The following PROB1 variants were observed in gnomAD, a reference collection of about 807,000 sequenced individuals.
The protein encoded by PROB1 is proline-rich basic protein 1.
For missense variants in PROB1, 1,453 were observed against 1,485.7 expected (o/e 0.98, Z 0.36); for synonymous variants, 660 against 699.3 (o/e 0.94, Z 0.89).
chr5:139,392,730 G>A lies in PROB1; in HGVS notation c.2352C>T (p.Ser784=). The part of the protein sequence containing the change: ...GRTSPLGGAR[S]SSQRSPVGPA... ...GCCCTACGGGGGAGCGCTGGGATGA[G>A]CTGCGGGCGCCGCCTAGAGGGCTGG... is the stretch of plus-strand genomic sequence containing the variant. The change falls in exon 1 of 1, where the codon AGC becomes AGT. Residue 784 remains serine (S), a synonymous_variant. Transcript: ENST00000434752. The surrounding 1 kb of genome is among the most constrained non-coding windows in gnomAD (Gnocchi z 5.8). 8.5e-6 allele frequency: 12 copies of A among 1,412,742 alleles called. No homozygotes were observed. In the South Asian group the frequency reaches 1.7e-4, roughly 20 times the overall value. 87.5% of individuals were successfully genotyped at this position (1,412,742 alleles called of 1,614,324 possible). A position where few individuals can be genotyped will look rare whatever the true frequency, so the allele number is the denominator to read the frequency against.
Position 139,393,679 on chromosome 5 carries a change from T to A in PROB1, c.1403A>T (p.Glu468Val). 2 of 1,550,388 alleles carry A rather than the reference T, an allele frequency of 1.3e-6. No individual in the cohort carries two copies. The highest frequency in any genetic ancestry group is 1.7e-6 in the Non-Finnish European group (2 of 1,146,776). The change falls in exon 1 of 1, where the codon GAA (glutamate) becomes GTA (valine). Residue 468 changes from glutamate (E) to valine (V), a missense_variant. Physicochemically the swap from Glu to Val is moderately radical, Grantham distance 121. Transcript: ENST00000434752. ...LSQWNQCVAG[E>V]RSPSLEAPSL... ...AGGGGCTTCGAGGGACGGGCTCCTT[T>A]CCCCAGCAACACACTGATTCCACTG... is the stretch of plus-strand genomic sequence containing the variant.
Position 139,392,417 on chromosome 5 carries a change from C to A in PROB1, c.2665G>T (p.Gly889Cys). The change falls in exon 1 of 1, where the codon GGC (glycine) becomes TGC (cysteine). Residue 889 changes from glycine (G) to cysteine (C), a missense_variant. Physicochemically the swap from Gly to Cys is radical, Grantham distance 159. Transcript: ENST00000434752. The surrounding 1 kb of genome is among the most constrained non-coding windows in gnomAD (Gnocchi z 5.8). ...GGCGCCTCCACAAAGTAGTAGCGGC[C>A]GCTCTCGGGGTCCACCAAGACCTTC... ...LGKVLVDPES[G>C]RYYFVEAPRQ... is the part of the protein sequence containing the mutation. 2 of 1,497,280 alleles carry A rather than the reference C, an allele frequency of 1.3e-6. No individual in the cohort carries two copies. Among genetic ancestry groups the A allele is most frequent in the Non-Finnish European group, 1.8e-6 (2 of 1,125,856 alleles). The allele number at this position is 1,497,280 out of a possible 1,614,324, so 92.7% of individuals were successfully genotyped here. A position where few individuals can be genotyped will look rare whatever the true frequency, so the allele number is the denominator to read the frequency against.
chr5:139,392,527 C>T lies in PROB1; in HGVS notation c.2555G>A (p.Arg852His). 1.5e-6 allele frequency: 2 copies of T among 1,343,240 alleles called. No homozygotes were observed. The highest frequency in any genetic ancestry group is 1.9e-6 in the Non-Finnish European group (2 of 1,051,968). The allele number at this position is 1,343,240 out of a possible 1,614,324, so 83.2% of individuals were successfully genotyped here. Residue 852 changes from arginine to histidine, a missense_variant, in exon 1 of 1, where the codon CGC becomes CAC. Transcript: ENST00000434752. This position sits in a 1 kb window ranked among gnomAD's most constrained non-coding sequence, Gnocchi z 5.8. ...LAGRTAPAQP[R>H]AASAPPTDRS... ...GTCCGTGGGAGGCGCCGAGGCAGCGCGGGGCTGGGCTGGGGCCGTCCTGCC... is the reference window on the plus strand; with the variant it reads ...GTCCGTGGGAGGCGCCGAGGCAGCGTGGGGCTGGGCTGGGGCCGTCCTGCC...
rs1758649993 is a variant in PROB1 at position 139,394,178 on chromosome 5, C to A, written c.904G>T (p.Val302Leu). Residue 302 changes from valine (V) to leucine (L), a missense_variant, in exon 1 of 1, where the codon GTA (valine) becomes TTA (leucine). By Grantham distance (32) the Val-to-Leu change is conservative. Coordinates refer to ENST00000434752, the MANE Select transcript of PROB1 (RefSeq NM_001161546.2). The stretch of plus-strand genomic sequence containing the variant: ...TTGGCGGGGGCCGAATTATCTCGTA[C>A]GCGAAGTGGCCGAGACTTAGCCTTC... ...LEKAKSRPLR[V>L]RDNSAPAKAP... 6.5e-7 allele frequency: 1 copy of A among 1,546,144 alleles called. No homozygotes were observed. Among genetic ancestry groups the A allele is most frequent in the African/African-American group, 1.4e-5 (1 of 72,858 alleles).
At position 139,393,117 on chromosome 5, in the gene PROB1, G is replaced by A; in HGVS notation, c.1965C>T (p.Pro655=). The change falls in exon 1 of 1, where the codon CCC becomes CCT. Residue 655 remains proline (P), a synonymous_variant. Transcript: ENST00000434752. ...TGGATTCGCCGCCCTCCTCCCCGCA[G>A]GGGTCGGCAGGAGGCGCAGGCAGCC... The part of the protein sequence containing the change: ...GSGLPAPPAD[P]CGEEGGESKT... The A allele has an allele frequency of 6.5e-7, 1 of 1,528,384 alleles. No homozygotes were observed. The highest frequency in any genetic ancestry group is 8.8e-7 in the Non-Finnish European group (1 of 1,134,786). 94.7% of individuals were successfully genotyped at this position (1,528,384 alleles called of 1,614,324 possible).
Position 139,393,274 on chromosome 5 carries a change from C to T in PROB1, c.1808G>A (p.Cys603Tyr). The T allele has an allele frequency of 6.5e-7, 1 of 1,549,900 alleles. No individual in the cohort carries two copies. The highest frequency in any genetic ancestry group is 8.7e-7 in the Non-Finnish European group (1 of 1,146,980). Reference protein sequence around the residue: ...HPVGTLDADKCPEVLGPGEAA... With the variant: ...HPVGTLDADKYPEVLGPGEAA... The stretch of plus-strand genomic sequence containing the variant: ...CTCTCCAGGACCCAAGACTTCCGGG[C>T]ACTTATCCGCGTCCAGGGTGCCCAC... Residue 603 changes from cysteine to tyrosine, a missense_variant, in exon 1 of 1, where the codon TGC (cysteine) becomes TAC (tyrosine). Physicochemically the swap from Cys to Tyr is radical, Grantham distance 194. Transcript: ENST00000434752.
rs777260692 is a variant in PROB1 at position 139,392,215 on chromosome 5, G to A, written c.2867C>T (p.Pro956Leu). The A allele has an allele frequency of 7.0e-7, 1 of 1,435,718 alleles. No homozygotes were observed. The highest frequency in any genetic ancestry group is 2.8e-5 in the East Asian group (1 of 35,156). The allele number at this position is 1,435,718 out of a possible 1,614,324, so 88.9% of individuals were successfully genotyped here. A position where few individuals can be genotyped will look rare whatever the true frequency, so the allele number is the denominator to read the frequency against. ...GGGGCTGCCGAGGGCCTGCGGGCCCGGGGACGGTGGCAGAGAGAGGCTGGG... is the reference window on the plus strand; with the variant it reads ...GGGGCTGCCGAGGGCCTGCGGGCCCAGGGACGGTGGCAGAGAGAGGCTGGG... The part of the protein sequence containing the change: ...PIPSLSLPPS[P>L]GPQALGSPQL... The change falls in exon 1 of 1, where the codon CCG (proline) becomes CTG (leucine). Residue 956 changes from proline to leucine, a missense_variant. Pro to Leu is a moderately conservative substitution (Grantham distance 98, BLOSUM62 -3). Transcript: ENST00000434752. The surrounding 1 kb of genome is among the most constrained non-coding windows in gnomAD (Gnocchi z 5.8).
chr5:139,394,185 T>C lies in PROB1; in HGVS notation c.897A>G (p.Pro299=). The part of the protein sequence containing the change: ...HVVLEKAKSR[P]LRVRDNSAPA... ...GGGCCGAATTATCTCGTACGCGAAGTGGCCGAGACTTAGCCTTCTCCAGGA... is the reference window on the plus strand; with the variant it reads ...GGGCCGAATTATCTCGTACGCGAAGCGGCCGAGACTTAGCCTTCTCCAGGA... Residue 299 remains proline, a synonymous_variant, in exon 1 of 1, where the codon CCA becomes CCG. Transcript: ENST00000434752. The C allele has an allele frequency of 6.5e-7, 1 of 1,546,696 alleles. No homozygotes were observed. The highest frequency in any genetic ancestry group is 1.2e-5 in the South Asian group (1 of 83,882).
In PROB1 at chr5:139,392,256, G is replaced by C; in HGVS notation, c.2826C>G (p.Pro942=). The C allele has an allele frequency of 6.7e-7, 1 of 1,485,804 alleles. No individual in the cohort carries two copies. Among genetic ancestry groups the C allele is most frequent in the Non-Finnish European group, 9.0e-7 (1 of 1,114,594 alleles). 92.0% of individuals were successfully genotyped at this position (1,485,804 alleles called of 1,614,324 possible). A position where few individuals can be genotyped will look rare whatever the true frequency, so the allele number is the denominator to read the frequency against. ...PLALGLGLYP[P]AYGPIPSLSL... ...AGAGGCTGGGTATAGGCCCATAGGC[G>C]GGCGGGTAGAGGCCGAGCCCCAGGG... Residue 942 remains proline (P), a synonymous_variant, in exon 1 of 1, where the codon CCC becomes CCG. Coordinates refer to ENST00000434752, the MANE Select transcript of PROB1 (RefSeq NM_001161546.2). The surrounding 1 kb of genome is among the most constrained non-coding windows in gnomAD (Gnocchi z 5.8).
chr5:139,392,697 C>G lies in PROB1; in HGVS notation c.2385G>C (p.Gly795=), dbSNP rs1265543259. ...SSQRSPVGPA[G]VRSPRPGSPQ... ...GGGAGCCGGGGCGGGGCGATCGGAC[C>G]CCTGCTGGCCCTACGGGGGAGCGCT... The change falls in exon 1 of 1, where the codon GGG becomes GGC. Residue 795 remains glycine, a synonymous_variant. Transcript: ENST00000434752. The surrounding 1 kb of genome is among the most constrained non-coding windows in gnomAD (Gnocchi z 5.8). The G allele has an allele frequency of 1.5e-6, 2 of 1,369,180 alleles. No homozygotes were observed. The highest frequency in any genetic ancestry group is 3.1e-5 in the African/African-American group (2 of 64,086). The allele number at this position is 1,369,180 out of a possible 1,614,324, so 84.8% of individuals were successfully genotyped here.
chr5:139,393,212 G>A lies in PROB1; in HGVS notation c.1870C>T (p.Pro624Ser), dbSNP rs932398788. The A allele has an allele frequency of 6.5e-7, 1 of 1,549,396 alleles. No individual in the cohort carries two copies. Residue 624 changes from proline (P) to serine (S), a missense_variant, in exon 1 of 1, where the codon CCT becomes TCT. Pro to Ser is a moderately conservative substitution (Grantham distance 74, BLOSUM62 -1). Coordinates refer to ENST00000434752, the MANE Select transcript of PROB1 (RefSeq NM_001161546.2). ...SGRPRMAIPR[P>S]RDVRKLVKTT... Reference sequence around the variant, plus strand: ...TTCACCAACTTGCGCACGTCTCGAGGCCGCGGAATGGCCATGCGCGGGCGT... The same window carrying A: ...TTCACCAACTTGCGCACGTCTCGAGACCGCGGAATGGCCATGCGCGGGCGT...
At position 139,392,715 on chromosome 5, in the gene PROB1, G is replaced by A; in HGVS notation, c.2367C>T (p.Ser789=). Residue 789 remains serine, a synonymous_variant, in exon 1 of 1, where the codon TCC becomes TCT. Transcript: ENST00000434752. This position sits in a 1 kb window ranked among gnomAD's most constrained non-coding sequence, Gnocchi z 5.8. ...LGGARSSSQR[S]PVGPAGVRSP... ...ATCGGACCCCTGCTGGCCCTACGGG[G>A]GAGCGCTGGGATGAGCTGCGGGCGC... 2 of 1,399,832 alleles carry A rather than the reference G, an allele frequency of 1.4e-6. No homozygotes were observed. The highest frequency in any genetic ancestry group is 3.5e-5 in the Admixed American group (1 of 28,796). 86.7% of individuals were successfully genotyped at this position (1,399,832 alleles called of 1,614,324 possible). A position where few individuals can be genotyped will look rare whatever the true frequency, so the allele number is the denominator to read the frequency against.
chr5:139,392,893 C>T lies in PROB1; in HGVS notation c.2189G>A (p.Arg730His), dbSNP rs1015360813. The T allele has an allele frequency of 1.3e-6, 2 of 1,544,252 alleles. No homozygotes were observed. The highest frequency in any genetic ancestry group is 1.4e-5 in the African/African-American group (1 of 72,950). ...GGCCCCAGGCAGGCGGATCTCTGTG[C>T]GCTTGAAGGGCTTCGCCGTGCTGTT... Reference protein sequence around the residue: ...AENSTAKPFKRTEIRLPGALA... With the variant: ...AENSTAKPFKHTEIRLPGALA... Residue 730 changes from arginine to histidine, a missense_variant, in exon 1 of 1, where the codon CGC becomes CAC. Arg to His is a conservative substitution (Grantham distance 29). Coordinates refer to ENST00000434752, the MANE Select transcript of PROB1 (RefSeq NM_001161546.2). This position sits in a 1 kb window ranked among gnomAD's most constrained non-coding sequence, Gnocchi z 5.8.
rs1347336401 is a variant in PROB1, at chr5:139,392,473, G to T, written c.2609C>A (p.Ala870Glu). 2 of 1,389,690 alleles carry T rather than the reference G, an allele frequency of 1.4e-6. No homozygotes were observed. Among genetic ancestry groups the T allele is most frequent in the East Asian group, 3.0e-5 (1 of 33,340 alleles). The allele number at this position is 1,389,690 out of a possible 1,614,324, so 86.1% of individuals were successfully genotyped here. ...DRSPQSPSQG[A>E]RRQPGAAPLG... is the part of the protein sequence containing the mutation. The stretch of plus-strand genomic sequence containing the variant: ...GGGCGCGGCCCCGGGCTGCCTGCGC[G>T]CTCCCTGGGAGGGGCTTTGCGGGGA... The change falls in exon 1 of 1, where the codon GCG becomes GAG. Residue 870 changes from alanine to glutamate, a missense_variant. Ala to Glu is a moderately radical substitution (Grantham distance 107). Transcript: ENST00000434752. The surrounding 1 kb of genome is among the most constrained non-coding windows in gnomAD (Gnocchi z 5.8).
In PROB1 at chr5:139,394,275, GGC is replaced by G; in HGVS notation, c.805_806del (p.Ala269HisfsTer11). 1 of 1,540,986 alleles carries G rather than the reference GGC, an allele frequency of 6.5e-7. No homozygotes were observed. On this transcript the variant is annotated frameshift_variant, in exon 1 of 1. Coordinates refer to ENST00000434752, the MANE Select transcript of PROB1 (RefSeq NM_001161546.2). LOFTEE classifies it low-confidence loss of function (END_TRUNC). ...LSPEAPAPSS[A>X]TFGSTGRSEP... ...CCGACCGCCCCGTGGACCCGAAGGT[GGC>G]GCTGCTCGGGGCCGGGGCCTCGGGG...
At position 139,392,304 on chromosome 5, in the gene PROB1, G is replaced by A; in HGVS notation, c.2778C>T (p.Pro926=). 1 of 1,533,054 alleles carries A rather than the reference G, an allele frequency of 6.5e-7. No homozygotes were observed. Among genetic ancestry groups the A allele is most frequent in the Admixed American group, 2.0e-5 (1 of 49,334 alleles). 95.0% of individuals were successfully genotyped at this position (1,533,054 alleles called of 1,614,324 possible). ...VLLPPSSPGP[P]HRVYTPLALG... ...GGGCCAGAGGGGTGTAGACGCGGTG[G>A]GGCGGCCCGGGAGACGAGGGCGGCA... The change falls in exon 1 of 1, where the codon CCC becomes CCT. Residue 926 remains proline (P), a synonymous_variant. Transcript: ENST00000434752. The surrounding 1 kb of genome is among the most constrained non-coding windows in gnomAD (Gnocchi z 5.8).
In PROB1 at chr5:139,393,875, C is replaced by T. The variant is rs1042444814; in HGVS notation, c.1207G>A (p.Ala403Thr). The T allele has an allele frequency of 1.3e-6, 2 of 1,551,090 alleles. No homozygotes were observed. The highest frequency in any genetic ancestry group is 2.7e-5 in the African/African-American group (2 of 73,020). ...PSPPRQTPNGAVRGPRCPSPQ... is the reference protein window; with the variant it reads ...PSPPRQTPNGTVRGPRCPSPQ... ...GACGGGCAGCGAGGACCCCGTACAGCCCCATTTGGAGTCTGCCGTGGCGGG... is the reference window on the plus strand; with the variant it reads ...GACGGGCAGCGAGGACCCCGTACAGTCCCATTTGGAGTCTGCCGTGGCGGG... Residue 403 changes from alanine to threonine, a missense_variant, in exon 1 of 1, where the codon GCT becomes ACT. By Grantham distance (58) the Ala-to-Thr change is moderately conservative. Coordinates refer to ENST00000434752, the MANE Select transcript of PROB1 (RefSeq NM_001161546.2).
Position 139,392,346 on chromosome 5 carries a change from C to T in PROB1, c.2736G>A (p.Gln912=). ...AGGGCGGCAGCAACACCTCCACGTA[C>T]TGCCCACTCTCAGGGTCGAAGAGCA... ...LRVLFDPESG[Q]YVEVLLPPSS... The change falls in exon 1 of 1, where the codon CAG becomes CAA. Residue 912 remains glutamine (Q), a synonymous_variant. Coordinates refer to ENST00000434752, the MANE Select transcript of PROB1 (RefSeq NM_001161546.2). The surrounding 1 kb of genome is among the most constrained non-coding windows in gnomAD (Gnocchi z 5.8). 2 of 1,534,412 alleles carry T rather than the reference C, an allele frequency of 1.3e-6. No individual in the cohort carries two copies. The highest frequency in any genetic ancestry group is 1.8e-6 in the Non-Finnish European group (2 of 1,141,040).
At position 139,394,805 on chromosome 5, in the gene PROB1, C is replaced by G. The variant is rs1758666391; in HGVS notation, c.277G>C (p.Gly93Arg). 9 of 1,529,298 alleles carry G rather than the reference C, an allele frequency of 5.9e-6. No individual in the cohort carries two copies. In the East Asian group the frequency reaches 1.5e-4, roughly 26 times the overall value. 94.7% of individuals were successfully genotyped at this position (1,529,298 alleles called of 1,614,324 possible). A position where few individuals can be genotyped will look rare whatever the true frequency, so the allele number is the denominator to read the frequency against. ...GPGSGFPRGP[G>R]SGPRPPQPQL... ...GGCTGGGGTGGCCGTGGGCCGGAAC[C>G]TGGGCCTCGCGGGAAACCCGAGCCG... The change falls in exon 1 of 1, where the codon GGT becomes CGT. Residue 93 changes from glycine (G) to arginine (R), a missense_variant. Coordinates refer to ENST00000434752, the MANE Select transcript of PROB1 (RefSeq NM_001161546.2).
Sources: gnomAD v4.1 joint callset for allele counts on GRCh38, gnomAD v4.1.1 for gene constraint, Gnocchi (gnomAD v3.1) non-coding constraint, MANE v1.5 for transcripts, NCBI Gene and HGNC (gene_info 2026-07-23, HGNC 2026-07-21) for gene names.